Variants in SNX30 observed in about 807,000 individuals in gnomAD.
SNX30 encodes the protein sorting nexin family member 30.
SNX30 carries 24 observed loss-of-function variants against 46.4 expected under a neutral mutation model. The observed-to-expected ratio is 0.52, with a 90% CI of 0.37 to 0.73. The LOEUF (loss-of-function observed/expected upper bound fraction) is 0.73, where lower values mean the gene tolerates loss of function less well. Ranked by LOEUF, SNX30 falls within the 30% of genes least tolerant of loss-of-function variation. The pLI is 0.00. For missense variants in SNX30, 533 were observed against 555.7 expected, an observed-to-expected ratio of 0.96 and a Z score of 0.41; for synonymous variants, 189 against 211.5, an observed-to-expected ratio of 0.89 and a Z score of 0.92.
In SNX30 at chr9:112,874,528, A is replaced by G. The variant is rs1481316023; in HGVS notation, c.*5685A>G. 6.6e-6 allele frequency: 1 copy of G among 152,252 alleles called. No homozygotes were observed. The highest frequency in any genetic ancestry group is 1.5e-5 in the Non-Finnish European group (1 of 68,050). The allele number at this position is 152,252 out of a possible 1,614,324, so 9.4% of individuals were successfully genotyped here. A position where few individuals can be genotyped will look rare whatever the true frequency, so the allele number is the denominator to read the frequency against. Reference sequence around the variant, plus strand: ...GTCATTCTTTACGTTTAAAATTTTAAAATAAAAACCTTCTGAGGTATTGAT... The same window carrying G: ...GTCATTCTTTACGTTTAAAATTTTAGAATAAAAACCTTCTGAGGTATTGAT... On this transcript the variant is annotated 3_prime_UTR_variant, in exon 9 of 9. Transcript: ENST00000374232.
At chr9:112,775,193 T>C (rs1172215593) in intron 1 of SNX30, among the ~76,000 whole-genome samples, 1 of 149,910 alleles carries the variant, frequency 6.7e-6, no homozygotes, top group African/African-American at 2.5e-5. Flanking sequence ...TTTACTCTTG[T>C]TGCCCAGGCT....
At chr9:112,843,215 G>A (rs1213237835) in intron 6 of SNX30, among the ~76,000 whole-genome samples, 1 of 152,206 alleles carries the variant, frequency 6.6e-6, no homozygotes, top group Non-Finnish European at 1.5e-5. Context: ...CAGCAAGCAT[G>A]TAATTGAATC....
chr9:112,758,592 C>T (rs956933589), intron 1 of SNX30, among the ~76,000 whole-genome samples: 2 of 152,124 alleles, frequency 1.3e-5, no homozygotes, highest in East Asian at 1.9e-4. Context: ...GACGGGGTTT[C>T]GCCATGTTGG....
intron 8 of SNX30, among the ~76,000 whole-genome samples, chr9:112,865,349 T>G (rs1052054607): frequency 1.3e-5 from 2 of 151,798 alleles, no homozygotes; most frequent in Non-Finnish European, 2.9e-5. Flanking sequence ...CGAGGCCAGG[T>G]GCAGTGGCTC....
chr9:112,820,026 C>G (rs1286721669), intron 3 of SNX30, among the ~76,000 whole-genome samples: 1 of 152,160 alleles, frequency 6.6e-6, no homozygotes, highest in Non-Finnish European at 1.5e-5. Flanking sequence ...CAGCTGGTGC[C>G]TGTGAGGTTG....
intron 7 of SNX30, among the ~76,000 whole-genome samples, chr9:112,851,454 C>T (rs1045100614): frequency 1.3e-5 from 2 of 152,160 alleles, no homozygotes; most frequent in Admixed American, 6.5e-5. Context: ...TGGTTCTGCA[C>T]GGCAGGACTA....
chr9:112,815,269 G>T (rs1840379041), intron 2 of SNX30, among the ~76,000 whole-genome samples: 1 of 151,588 alleles, frequency 6.6e-6, no homozygotes, highest in African/African-American at 2.4e-5. Flanking sequence ...TACCAAAAAT[G>T]ATTTCAAATT....
chr9:112,862,536 C>G (rs951197747), intron 7 of SNX30, among the ~76,000 whole-genome samples: 15 of 152,052 alleles, frequency 9.9e-5, no homozygotes, highest in African/African-American at 3.6e-4. Context: ...TCAGTTTTTC[C>G]TGAGGTAACC....
At chr9:112,784,632 T>C (rs1468315043) in intron 1 of SNX30, among the ~76,000 whole-genome samples, 1 of 152,206 alleles carries the variant, frequency 6.6e-6, no homozygotes, top group Non-Finnish European at 1.5e-5. Flanking sequence ...TAGAGGACTT[T>C]CTCACACATC....
rs368578308 is a variant in SNX30, at chr9:112,768,697, C to T, written c.156+17540C>T. Among the ~76,000 whole-genome samples, 17 of 114,634 alleles carry T rather than the reference C, an allele frequency of 1.5e-4. No individual in the cohort carries two copies. The East Asian group carries it at 4.5e-3, about 31-fold the overall frequency. 75.2% of individuals were successfully genotyped at this position (114,634 alleles called of 152,430 possible). A position where few individuals can be genotyped will look rare whatever the true frequency, so the allele number is the denominator to read the frequency against. ...TTTTGAGACGGTCTTGCTCTTGTCG[C>T]TTAGGCTAGAGTGCAATGGTACGAT... On this transcript the variant is annotated intron_variant, in intron 1 of 8. Transcript: ENST00000374232.
intron 1 of SNX30, among the ~76,000 whole-genome samples, chr9:112,771,430 A>C (rs1839646961): frequency 6.6e-6 from 1 of 152,220 alleles, no homozygotes; most frequent in Non-Finnish European, 1.5e-5. Flanking sequence ...TATATGCAAC[A>C]ATGGAAAAAA....
chr9:112,846,649 T>A (rs1840944110), intron 6 of SNX30, among the ~76,000 whole-genome samples: 1 of 152,184 alleles, frequency 6.6e-6, no homozygotes, highest in African/African-American at 2.4e-5. Flanking sequence ...CTACATGAAT[T>A]CCACTTGGGT....
At chr9:112,854,716 G>A (rs1841092550) in intron 7 of SNX30, among the ~76,000 whole-genome samples, 1 of 152,222 alleles carries the variant, frequency 6.6e-6, no homozygotes, top group Non-Finnish European at 1.5e-5. Flanking sequence ...GTGGGCAGAG[G>A]AGGGTGCAGT....
intron 6 of SNX30, among the ~76,000 whole-genome samples, chr9:112,848,383 A>C (rs770091157): frequency 6.6e-6 from 1 of 152,036 alleles, no homozygotes; most frequent in African/African-American, 2.4e-5. Context: ...AGGTGTCCCA[A>C]TGAGGGTGGT....
chr9:112,820,223 A>G (rs1840470638), intron 3 of SNX30, among the ~76,000 whole-genome samples: 1 of 150,928 alleles, frequency 6.6e-6, no homozygotes, highest in African/African-American at 2.4e-5. Context: ...AGAAACAAGC[A>G]GAAACTTAAT....
At chr9:112,796,812 G>A (rs1402494740) in intron 1 of SNX30, among the ~76,000 whole-genome samples, 2 of 152,084 alleles carry the variant, frequency 1.3e-5, no homozygotes, top group Non-Finnish European at 2.9e-5. Context: ...ACTCCGCCGT[G>A]TCCCATTGCC....
Position 112,868,787 on chromosome 9 carries a change from C to T in SNX30, c.1258C>T (p.Leu420Phe), listed in dbSNP as rs1385354333. The T allele has an allele frequency of 1.9e-6, 3 of 1,614,054 alleles. No homozygotes were observed. The highest frequency in any genetic ancestry group is 2.2e-5 in the East Asian group (1 of 44,882). ...DKNIQYYEKC[L>F]MAWESIIPLL... is the part of the protein sequence containing the mutation. Reference sequence around the variant, plus strand: ...TGTGTGTATGTTGTCGTTCCAGTGCCTCATGGCGTGGGAGTCGATTATTCC... The same window carrying T: ...TGTGTGTATGTTGTCGTTCCAGTGCTTCATGGCGTGGGAGTCGATTATTCC... Residue 420 changes from leucine (L) to phenylalanine (F), a missense_variant, in exon 9 of 9, where the codon CTC becomes TTC. Leu to Phe is a conservative substitution (Grantham distance 22). Coordinates refer to ENST00000374232, the MANE Select transcript of SNX30 (RefSeq NM_001012994.2).
intron 2 of SNX30, among the ~76,000 whole-genome samples, chr9:112,814,501 A>G (rs1840367438): frequency 6.6e-6 from 1 of 152,160 alleles, no homozygotes; most frequent in Admixed American, 6.5e-5. Context: ...TCGGCCTCCC[A>G]AAGTGCTAAG....
At chr9:112,858,238 G>A (rs919648161) in intron 7 of SNX30, among the ~76,000 whole-genome samples, 3 of 152,206 alleles carry the variant, frequency 2.0e-5, no homozygotes, top group Non-Finnish European at 2.9e-5. Context: ...AATGCTGAGG[G>A]TGGTGGCCCA....
Sources: gnomAD v4.1 joint callset for allele counts (sites outside exome capture counted in the v4.1 genomes callset) on GRCh38, gnomAD v4.1.1 for gene constraint, MANE v1.5 for transcripts, NCBI Gene and HGNC (gene_info 2026-07-23, HGNC 2026-07-21) for gene names.